Variants in NFIX observed in about 807,000 individuals in gnomAD.
The protein encoded by NFIX is nuclear factor 1 X-type.
NFIX carries 2 observed loss-of-function variants against 53.3 expected under a neutral mutation model. The ratio of observed to expected loss-of-function variants is 0.04; its 90% CI spans 0.02 to 0.12. The LOEUF (loss-of-function observed/expected upper bound fraction) is 0.12. Ranked by LOEUF, NFIX falls within the 10% of genes least tolerant of loss-of-function variation. The pLI, the probability that NFIX is intolerant of heterozygous loss-of-function variation, is 1.00. For missense variants in NFIX, 310 were observed against 674.5 expected, an observed-to-expected ratio of 0.46 and a Z score of 5.99; for synonymous variants, 244 against 289.0, an observed-to-expected ratio of 0.84 and a Z score of 1.58.
At chr19:13,024,447 C>T (rs1284224128) in intron 1 of NFIX, 1 of 1,451,616 alleles carries the variant, frequency 6.9e-7, no homozygotes. Context: ...GAGAGGGAAG[C>T]CTGATCTGTT....
At chr19:13,023,738 C>T (rs1463319609) in intron 1 of NFIX, among the ~76,000 whole-genome samples, 1 of 149,534 alleles carries the variant, frequency 6.7e-6, no homozygotes, top group African/African-American at 2.5e-5. Context: ...CTCGCTCCCT[C>T]TCTCTGCTTG....
In NFIX at chr19:13,009,346, G is replaced by C. The variant is rs2012204379; in HGVS notation, c.27+13482G>C. On this transcript the variant is annotated intron_variant, in intron 1 of 10. Transcript: ENST00000592199. The surrounding 1 kb of genome is among the most constrained non-coding windows in gnomAD (Gnocchi z 4.7). ...GGAAGGCGGGCATATGTGACCTCCT[G>C]TGACCCTCCCAACACGAGGCAGGTA... is the stretch of plus-strand genomic sequence containing the variant. 6.6e-6 allele frequency among the ~76,000 whole-genome samples: 1 copy of C among 152,176 alleles called. No homozygotes were observed. Among genetic ancestry groups the C allele is most frequent in the Non-Finnish European group, 1.5e-5 (1 of 68,038 alleles).
At position 13,068,179 on chromosome 19, in the gene NFIX, T is replaced by A. The variant is rs369450274; in HGVS notation, c.560-4868T>A. ...GAGTTTATGTGCAATCCCAGGCTCC[T>A]CCTGGCTGCTGGAGCTTCCCCTCCA... On this transcript the variant is annotated intron_variant, in intron 2 of 10. Coordinates refer to ENST00000592199, the MANE Select transcript of NFIX (RefSeq NM_001365902.3). The surrounding 1 kb of genome is among the most constrained non-coding windows in gnomAD (Gnocchi z 4.2). Among the ~76,000 whole-genome samples, 1 of 151,948 alleles carries A rather than the reference T, an allele frequency of 6.6e-6. No homozygotes were observed. The highest frequency in any genetic ancestry group is 1.9e-4 in the East Asian group (1 of 5,188).
chr19:13,053,845 G>A (rs2015478617), intron 2 of NFIX, among the ~76,000 whole-genome samples: 1 of 152,116 alleles, frequency 6.6e-6, no homozygotes, highest in Non-Finnish European at 1.5e-5. Flanking sequence ...ACAGGAGGGG[G>A]TGGTGTGTGA....
At chr19:13,015,210 C>G (rs1235471449) in intron 1 of NFIX, among the ~76,000 whole-genome samples, 3 of 151,760 alleles carry the variant, frequency 2.0e-5, no homozygotes, top group Non-Finnish European at 1.5e-5. Flanking sequence ...TTTTTTTCCT[C>G]CTTAGAGAGA....
rs952665875 is a variant in NFIX at position 13,002,306 on chromosome 19, TCTC to T, written c.27+6449_27+6451del. Among the ~76,000 whole-genome samples the T allele has an allele frequency of 5.9e-5, 9 of 151,510 alleles. No homozygotes were observed. Among genetic ancestry groups the T allele is most frequent in the Admixed American group, 2.0e-4 (3 of 15,244 alleles). On this transcript the variant is annotated intron_variant, in intron 1 of 10. Coordinates refer to ENST00000592199, the MANE Select transcript of NFIX (RefSeq NM_001365902.3). This position sits in a 1 kb window ranked among gnomAD's most constrained non-coding sequence, Gnocchi z 6.1. The stretch of plus-strand genomic sequence containing the variant: ...CGCGTCTTGGCTCCGTCTGAATATC[TCTC>T]CTCCTCGATTTTTGGCTCCAGCTCT...
In NFIX at chr19:13,070,315, G is replaced by A. The variant is rs114274259; in HGVS notation, c.560-2732G>A. 536 of 152,500 alleles carry A rather than the reference G, an allele frequency of 3.5e-3. 1 individual carries two copies. The highest frequency in any genetic ancestry group is 0.012 in the African/African-American group (490 of 41,598). 9.4% of individuals were successfully genotyped at this position (152,500 alleles called of 1,614,324 possible). On this transcript the variant is annotated intron_variant, in intron 2 of 10. Transcript: ENST00000592199. ...CCGAGGTGCCTGCGGCCCTATCGGG[G>A]CAGGGGTCTACTCTTGCTGAGCTAG...
rs2018606018 is a variant in NFIX at position 13,098,605 on chromosome 19, T to C, written c.*3956T>C. The C allele has an allele frequency of 6.6e-6, 1 of 151,488 alleles. No individual in the cohort carries two copies. Among genetic ancestry groups the C allele is most frequent in the Admixed American group, 6.6e-5 (1 of 15,202 alleles). 9.4% of individuals were successfully genotyped at this position (151,488 alleles called of 1,614,324 possible). The stretch of plus-strand genomic sequence containing the variant: ...AAACAAGGGTAGTTTACTGTCTGTT[T>C]TGTTTTCTGGGTTTTCAGTGTCCTA... On this transcript the variant is annotated 3_prime_UTR_variant, in exon 11 of 11. Coordinates refer to ENST00000592199, the MANE Select transcript of NFIX (RefSeq NM_001365902.3).
At chr19:13,092,509 AG>A (rs1216981230) in intron 10 of NFIX, among the ~76,000 whole-genome samples, 1 of 152,200 alleles carries the variant, frequency 6.6e-6, no homozygotes, top group Non-Finnish European at 1.5e-5. Flanking sequence ...GAGACCCCAA[AG>A]GGGCCAGTGT....
intron 1 of NFIX, among the ~76,000 whole-genome samples, chr19:13,020,448 C>T (rs578076199): frequency 1.1e-4 from 17 of 152,288 alleles, no homozygotes; most frequent in Non-Finnish European, 1.2e-4. Flanking sequence ...ACCTTCTCAT[C>T]TCCCGAAGCA....
chr19:13,015,790 TCAC>T (rs1483008380), intron 1 of NFIX, among the ~76,000 whole-genome samples: 1 of 132,052 alleles, frequency 7.6e-6, no homozygotes, highest in African/African-American at 3.0e-5. Context: ...CATAGAGAGA[TCAC>T]ACACACACAC....
rs767063446 is a variant in NFIX, at chr19:13,067,074, G to T, written c.560-5973G>T. Among the ~76,000 whole-genome samples, 1 of 152,218 alleles carries T rather than the reference G, an allele frequency of 6.6e-6. No homozygotes were observed. The highest frequency in any genetic ancestry group is 1.5e-5 in the Non-Finnish European group (1 of 68,034). On this transcript the variant is annotated intron_variant, in intron 2 of 10. Coordinates refer to ENST00000592199, the MANE Select transcript of NFIX (RefSeq NM_001365902.3). This position sits in a 1 kb window ranked among gnomAD's most constrained non-coding sequence, Gnocchi z 4.2. Reference sequence around the variant, plus strand: ...TCCAGCTCTGATTGCTACAGGCAGGGCCTCTGGCTCCCCTTGAGATTGGGT... The same window carrying T: ...TCCAGCTCTGATTGCTACAGGCAGGTCCTCTGGCTCCCCTTGAGATTGGGT...
intron 2 of NFIX, among the ~76,000 whole-genome samples, chr19:13,039,238 A>C (rs2014441292): frequency 1.4e-5 from 2 of 147,640 alleles, no homozygotes; most frequent in African/African-American, 5.3e-5. Context: ...CCACACACAC[A>C]CATACACGTG....
rs1421224790 is a variant in NFIX at position 13,009,132 on chromosome 19, C to T, written c.27+13268C>T. On this transcript the variant is annotated intron_variant, in intron 1 of 10. Coordinates refer to ENST00000592199, the MANE Select transcript of NFIX (RefSeq NM_001365902.3). The surrounding 1 kb of genome is among the most constrained non-coding windows in gnomAD (Gnocchi z 4.7). ...ACCGCCGCACACCGGCACAATCTGTCGTCCACGCACAGTCTCACACACAAC... is the reference window on the plus strand; with the variant it reads ...ACCGCCGCACACCGGCACAATCTGTTGTCCACGCACAGTCTCACACACAAC... Among the ~76,000 whole-genome samples the T allele has an allele frequency of 1.3e-5, 2 of 152,206 alleles. No homozygotes were observed. The highest frequency in any genetic ancestry group is 6.5e-5 in the Admixed American group (1 of 15,286).
chr19:13,003,920 G>A (rs148945445), intron 1 of NFIX, among the ~76,000 whole-genome samples: 332 of 151,886 alleles, frequency 2.2e-3, no homozygotes, highest in Admixed American at 5.0e-3. Flanking sequence ...GACTACAGCC[G>A]AGCACCACCA....
At chr19:12,997,277 A>G (rs1013942012) in intron 1 of NFIX, among the ~76,000 whole-genome samples, 36 of 152,328 alleles carry the variant, frequency 2.4e-4, no homozygotes, top group African/African-American at 8.4e-4. Context: ...GTGAGAGTGT[A>G]TGCAAGTGTG....
rs950695664 is a variant in NFIX at position 13,005,669 on chromosome 19, C to A, written c.27+9805C>A. On this transcript the variant is annotated intron_variant, in intron 1 of 10. Transcript: ENST00000592199. The surrounding 1 kb of genome is among the most constrained non-coding windows in gnomAD (Gnocchi z 4.7). The stretch of plus-strand genomic sequence containing the variant: ...GCTCTTTCTTCAAGATCGTCACCAC[C>A]CTAAATCCTGCCGATGGGACAAAAT... Among the ~76,000 whole-genome samples, 1 of 152,132 alleles carries A rather than the reference C, an allele frequency of 6.6e-6. No individual in the cohort carries two copies.
rs927034326 is a variant in NFIX at position 13,045,763 on chromosome 19, G to A, written c.559+20211G>A. ...CCGTTCTCCCTCCCTTTTCTCGTAGGCTTCTTCCTCCTCCAGTGCAAGAGC... is the reference window on the plus strand; with the variant it reads ...CCGTTCTCCCTCCCTTTTCTCGTAGACTTCTTCCTCCTCCAGTGCAAGAGC... On this transcript the variant is annotated intron_variant, in intron 2 of 10. Coordinates refer to ENST00000592199, the MANE Select transcript of NFIX (RefSeq NM_001365902.3). The surrounding 1 kb of genome is among the most constrained non-coding windows in gnomAD (Gnocchi z 4.4). Among the ~76,000 whole-genome samples the A allele has an allele frequency of 6.6e-6, 1 of 152,184 alleles. No individual in the cohort carries two copies. The highest frequency in any genetic ancestry group is 1.5e-5 in the Non-Finnish European group (1 of 68,030).
At chr19:13,085,638 G>T (rs1407557024) in intron 8 of NFIX, among the ~76,000 whole-genome samples, 3 of 152,222 alleles carry the variant, frequency 2.0e-5, no homozygotes, top group Non-Finnish European at 4.4e-5. Context: ...CACATATGGG[G>T]ACCAGCAGCC....
Sources: gnomAD v4.1 joint callset for allele counts (sites outside exome capture counted in the v4.1 genomes callset) on GRCh38, gnomAD v4.1.1 for gene constraint, Gnocchi (gnomAD v3.1) non-coding constraint, MANE v1.5 for transcripts, NCBI Gene and HGNC (gene_info 2026-07-23, HGNC 2026-07-21) for gene names.